ATP8B3: variants seen among roughly 807,000 people sequenced by gnomAD.
ATP8B3 encodes the protein phospholipid-transporting ATPase IK.
In ATP8B3, 141 loss-of-function variants were observed where a neutral mutation model predicts 140.9. The observed-to-expected ratio is 1.00, with a 90% CI of 0.87 to 1.15. The LOEUF (loss-of-function observed/expected upper bound fraction) is 1.15. Among genes scored for constraint, ATP8B3 ranks in the 50% most tolerant of loss-of-function variants. ATP8B3 has a pLI of 0.00. For synonymous variants in ATP8B3, 765 were observed against 714.6 expected (o/e 1.07, Z -1.13); for missense variants, 1,874 against 1,740.6 (o/e 1.08, Z -1.36).
At chr19:1,790,019 G>A in intron 21 of ATP8B3, 30 bp from the exon 22 acceptor site, 4 of 1,547,310 alleles carry the variant, frequency 2.6e-6, no homozygotes, top group Non-Finnish European at 3.6e-6. Context: ...GCGGGGCAGG[G>A]GAGGGGGCGG....
Position 1,784,905 on chromosome 19 carries a change from C to G in ATP8B3, c.3574G>C (p.Val1192Leu). 4 of 1,613,280 alleles carry G rather than the reference C, an allele frequency of 2.5e-6. No homozygotes were observed. Among genetic ancestry groups the G allele is most frequent in the Non-Finnish European group, 3.4e-6 (4 of 1,179,718 alleles). ...TTTATGGACACACTCAGCAGGACCA[C>G]CAGCAGGATGGAGGGAGAGGACATC... ...SVMSSPSILL[V>L]VLLSVSINTF... The change falls in exon 28 of 29, where the codon GTG becomes CTG. Residue 1192 changes from valine to leucine, a missense_variant. By Grantham distance (32) the Val-to-Leu change is conservative. Coordinates refer to ENST00000310127, the MANE Select transcript of ATP8B3 (RefSeq NM_138813.4).
chr19:1,811,796 G>T lies in ATP8B3; in HGVS notation c.-60C>A, dbSNP rs2069197457. Reference sequence around the variant, plus strand: ...GAGGGGTTTAGGCTGTGGGACGGGGGAGAGGTGGGGGAGACCCCCGTGGGG... The same window carrying T: ...GAGGGGTTTAGGCTGTGGGACGGGGTAGAGGTGGGGGAGACCCCCGTGGGG... On this transcript the variant is annotated 5_prime_UTR_variant, in exon 2 of 29. Transcript: ENST00000310127. The T allele has an allele frequency of 3.3e-6, 5 of 1,508,284 alleles. No individual in the cohort carries two copies. Among genetic ancestry groups the T allele is most frequent in the African/African-American group, 1.4e-5 (1 of 72,584 alleles). 93.4% of individuals were successfully genotyped at this position (1,508,284 alleles called of 1,614,324 possible).
intron 24 of ATP8B3, 132 bp downstream of exon 24, chr19:1,788,757 TGCCATGTG>T: frequency 1.3e-6 from 1 of 791,432 alleles, no homozygotes. Flanking sequence ...AACGCAGCCT[TGCCATGTG>T]GCCTCAGGCA....
At chr19:1,793,783 C>T (rs970601776) in intron 18 of ATP8B3, among the ~76,000 whole-genome samples, 2 of 152,164 alleles carry the variant, frequency 1.3e-5, no homozygotes, top group African/African-American at 2.4e-5. Flanking sequence ...CACTCTGTTG[C>T]CCAGGCTGGA....
intron 14 of ATP8B3, 61 bp from the exon 15 acceptor site, chr19:1,797,066 G>A: frequency 6.2e-7 from 1 of 1,609,160 alleles, no homozygotes; most frequent in Non-Finnish European, 8.5e-7. Flanking sequence ...GGATCCCATA[G>A]CCCCTGACCC....
At position 1,790,844 on chromosome 19, in the gene ATP8B3, A is replaced by G. The variant is rs78891309; in HGVS notation, c.2303-12T>C. 1.8e-3 allele frequency: 2,808 copies of G among 1,588,802 alleles called. 34 individuals carry two copies. The African/African-American group carries it at 0.03, about 17-fold the overall frequency. ...GTTCACAGCCGTTTCTGCGAAGCAG[A>G]CCAGCTCAGCGCCTCTGCGACCCGC... is the stretch of plus-strand genomic sequence containing the variant. On this transcript the variant is annotated splice_polypyrimidine_tract_variant and intron_variant, in intron 20 of 28. Transcript: ENST00000310127.
intron 4 of ATP8B3, 24 bp from the exon 5 acceptor site, chr19:1,808,359 C>T: frequency 6.3e-7 from 1 of 1,584,478 alleles, no homozygotes; most frequent in Non-Finnish European, 8.6e-7. Context: ...CGCGGGCTGC[C>T]TGGCAGAGGG....
chr19:1,805,327 A>G lies in ATP8B3; in HGVS notation c.904+47T>C. The G allele has an allele frequency of 1.3e-6, 2 of 1,495,354 alleles. No homozygotes were observed. Among genetic ancestry groups the G allele is most frequent in the Non-Finnish European group, 1.8e-6 (2 of 1,095,622 alleles). 92.6% of individuals were successfully genotyped at this position (1,495,354 alleles called of 1,614,324 possible). ...CAACAACAAAATACCCTAACTTTTA[A>G]CTTTTACAGATTCGAGGGACGTGAC... On this transcript the variant is annotated intron_variant, in intron 10 of 28. Coordinates refer to ENST00000310127, the MANE Select transcript of ATP8B3 (RefSeq NM_138813.4). This position sits in a 1 kb window ranked among gnomAD's most constrained non-coding sequence, Gnocchi z 5.2.
intron 16 of ATP8B3, 44 bp downstream of exon 16, chr19:1,796,667 C>CG (rs773540287): frequency 7.6e-6 from 12 of 1,587,456 alleles, no homozygotes; most frequent in South Asian, 1.1e-5. Context: ...TGCCGTGCCC[C>CG]GGGGGCTGAG....
Position 1,785,460 on chromosome 19 carries a change from C to T in ATP8B3, c.3393+9G>A. 1.2e-6 allele frequency: 2 copies of T among 1,611,844 alleles called. No homozygotes were observed. The highest frequency in any genetic ancestry group is 1.7e-6 in the Non-Finnish European group (2 of 1,179,126). On this transcript the variant is annotated intron_variant, in intron 26 of 28. Transcript: ENST00000310127. Reference sequence around the variant, plus strand: ...TCCAAGGCCCCGGGGAGGTGAGGACCTTGCCCACCTCCATGGTGATGGACA... The same window carrying T: ...TCCAAGGCCCCGGGGAGGTGAGGACTTTGCCCACCTCCATGGTGATGGACA...
Position 1,796,718 on chromosome 19 carries a change from C to T in ATP8B3, c.1746G>A (p.Glu582=). ...HTVMVRESPR[E]RPDQLLYQAA... ...GGAGGTGGGTGGGCGCACCTGGGCGCTCACGGGGGCTCTCCCGCACCATCA... is the reference window on the plus strand; with the variant it reads ...GGAGGTGGGTGGGCGCACCTGGGCGTTCACGGGGGCTCTCCCGCACCATCA... The change falls in exon 16 of 29, where the codon GAG becomes GAA. Residue 582 remains glutamate, a synonymous_variant. Transcript: ENST00000310127. 6.2e-7 allele frequency: 1 copy of T among 1,609,986 alleles called. No individual in the cohort carries two copies. The highest frequency in any genetic ancestry group is 2.2e-5 in the East Asian group (1 of 44,840).
chr19:1,793,082 C>CTT (rs773629818), intron 18 of ATP8B3, among the ~76,000 whole-genome samples: 3 of 138,248 alleles, frequency 2.2e-5, no homozygotes, highest in East Asian at 4.1e-4. Flanking sequence ...ACAGCAAATT[C>CTT]TTTTTTTTTT....
chr19:1,807,242 G>T lies in ATP8B3; in HGVS notation c.541C>A (p.Pro181Thr). Residue 181 changes from proline (P) to threonine (T), a missense_variant, in exon 6 of 29, where the codon CCC becomes ACC. Physicochemically the swap from Pro to Thr is conservative, Grantham distance 38. Coordinates refer to ENST00000310127, the MANE Select transcript of ATP8B3 (RefSeq NM_138813.4). This position sits in a 1 kb window ranked among gnomAD's most constrained non-coding sequence, Gnocchi z 5.9. The stretch of plus-strand genomic sequence containing the variant: ...ATAGGGGTACTGAGCGAGAACCAGG[G>T]CAGCGTGGAGATGTCGGGAATGCTC... ...LQSIPDISTLPWFSLSTPMVC... is the reference protein window; with the variant it reads ...LQSIPDISTLTWFSLSTPMVC... 1.9e-6 allele frequency: 3 copies of T among 1,612,794 alleles called. No individual in the cohort carries two copies. The highest frequency in any genetic ancestry group is 2.5e-6 in the Non-Finnish European group (3 of 1,179,678).
intron 11 of ATP8B3, 114 bp from the exon 12 acceptor site, chr19:1,802,158 C>A: frequency 1.5e-6 from 1 of 657,004 alleles, no homozygotes. Context: ...CCCATCCACC[C>A]CTCACCCACC....
At chr19:1,792,526 GCTGAGATCA>G (rs1267701128) in intron 18 of ATP8B3, among the ~76,000 whole-genome samples, 1 of 148,774 alleles carries the variant, frequency 6.7e-6, no homozygotes, top group Non-Finnish European at 1.5e-5. Flanking sequence ...GTTGCAGCGA[GCTGAGATCA>G]CACCACTGCA....
At position 1,792,005 on chromosome 19, in the gene ATP8B3, T is replaced by G; in HGVS notation, c.2186A>C (p.Gln729Pro). 6.4e-7 allele frequency: 1 copy of G among 1,555,728 alleles called. No individual in the cohort carries two copies. The highest frequency in any genetic ancestry group is 8.7e-7 in the Non-Finnish European group (1 of 1,150,140). Residue 729 changes from glutamine to proline, a missense_variant, in exon 19 of 29, where the codon CAA becomes CCA. By Grantham distance (76) the Gln-to-Pro change is moderately conservative (BLOSUM62 -1). This residue lies in a region of ATP8B3 where 840 missense variants were observed against 760.9 expected (regional missense o/e 1.10). Coordinates refer to ENST00000310127, the MANE Select transcript of ATP8B3 (RefSeq NM_138813.4). ...CTGCTCCATCTCGTTGTACACCTGT[T>G]GCAGGGCCTGTGCCCGGTTCTGCAG... ...LLLQNRAQALQQLLGATAIED... is the reference protein window; with the variant it reads ...LLLQNRAQALPQLLGATAIED...
Position 1,806,667 on chromosome 19 carries a change from G to T in ATP8B3, c.638C>A (p.Ala213Asp). The change falls in exon 7 of 29, where the codon GCC (alanine) becomes GAC (aspartate). Residue 213 changes from alanine (A) to aspartate (D), a missense_variant. Physicochemically the swap from Ala to Asp is moderately radical, Grantham distance 126. Transcript: ENST00000310127. The surrounding 1 kb of genome is among the most constrained non-coding windows in gnomAD (Gnocchi z 5.6). ...AATCTGGCAGGGTCTGTTGTTGATG[G>T]CTCTGTCACTCTTGTGTCTCCCCTG... is the stretch of plus-strand genomic sequence containing the variant. ...DDMGRHKSDRAINNRPCQILM... is the reference protein window; with the variant it reads ...DDMGRHKSDRDINNRPCQILM... The T allele has an allele frequency of 6.4e-7, 1 of 1,565,456 alleles. No individual in the cohort carries two copies. Among genetic ancestry groups the T allele is most frequent in the South Asian group, 1.2e-5 (1 of 84,880 alleles).
chr19:1,808,694 A>C (rs2069101399), intron 4 of ATP8B3, among the ~76,000 whole-genome samples: 1 of 152,212 alleles, frequency 6.6e-6, no homozygotes. Context: ...TGGAGCTGTG[A>C]CCAGCATTTC....
intron 14 of ATP8B3, among the ~76,000 whole-genome samples, chr19:1,797,490 T>G (rs892503489): frequency 1.3e-5 from 2 of 149,992 alleles, no homozygotes; most frequent in Non-Finnish European, 1.5e-5. Flanking sequence ...ATTTATTTAT[T>G]TATTTATTTA....
Sources: gnomAD v4.1 joint callset for allele counts (sites outside exome capture counted in the v4.1 genomes callset) on GRCh38, gnomAD v4.1.1 for gene constraint, gnomAD v4.1.1 regional missense constraint, Gnocchi (gnomAD v3.1) non-coding constraint, MANE v1.5 for transcripts, NCBI Gene and HGNC (gene_info 2026-07-23, HGNC 2026-07-21) for gene names.